Variants in COL4A2 observed in about 807,000 individuals in gnomAD.
COL4A2 encodes the protein collagen alpha-2(IV) chain.
In COL4A2, 99 loss-of-function variants were observed where a neutral mutation model predicts 200.2. The observed-to-expected ratio is 0.49, with a 90% CI of 0.42 to 0.58. COL4A2 has a LOEUF of 0.58. Ranked by LOEUF, COL4A2 falls within the 20% of genes least tolerant of loss-of-function variation. The pLI is 0.00. For missense variants in COL4A2, 1,950 were observed against 2,314.1 expected (o/e 0.84, Z 3.23); for synonymous variants, 897 against 900.6 (o/e 1.00, Z 0.07).
chr13:110,504,194 T>A lies in COL4A2; in HGVS notation c.4332T>A (p.Gly1444=), dbSNP rs1172885263. The change falls in exon 45 of 48, where the codon GGT becomes GGA. Residue 1444 remains glycine, a synonymous_variant. Transcript: ENST00000360467. ...PGKAGPQGRG[G]VSAVPGFRGD... is the part of the protein sequence containing the mutation. ...AAGCTGGGCCCCAAGGAAGAGGTGG[T>A]GTGTCTGCTGTTCCCGGCTTCCGGG... 6.2e-7 allele frequency: 1 copy of A among 1,613,850 alleles called. No homozygotes were observed. The highest frequency in any genetic ancestry group is 1.1e-5 in the South Asian group (1 of 91,072).
rs536271568 is a variant in COL4A2, at chr13:110,440,877, G to GTAACGGA, written c.957+1045_957+1051dup. ...CAAAGACGTGTAGCTTCACATGCAT[G>GTAACGGA]TAACGGAGCAACAAAAGAAATGTGT... On this transcript the variant is annotated intron_variant, in intron 16 of 47. Coordinates refer to ENST00000360467, the MANE Select transcript of COL4A2 (RefSeq NM_001846.4). 2.2e-4 allele frequency among the ~76,000 whole-genome samples: 34 copies of GTAACGGA among 152,270 alleles called. No homozygotes were observed. In the South Asian group the frequency reaches 7.1e-3, roughly 32 times the overall value.
At position 110,492,016 on chromosome 13, in the gene COL4A2, C is replaced by T. The variant is rs1883300927; in HGVS notation, c.3455-54C>T. On this transcript the variant is annotated intron_variant, in intron 37 of 47. Transcript: ENST00000360467. ...TGCCCCTCCTGCCAGGACCTCACCA[C>T]ACAGCGCCCAAGGTGTCCTGTGTGC... 5 of 1,489,124 alleles carry T rather than the reference C, an allele frequency of 3.4e-6. No individual in the cohort carries two copies. In the South Asian group the frequency reaches 6.3e-5, roughly 19 times the overall value. 92.2% of individuals were successfully genotyped at this position (1,489,124 alleles called of 1,614,324 possible). A position where few individuals can be genotyped will look rare whatever the true frequency, so the allele number is the denominator to read the frequency against.
chr13:110,343,814 T>C (rs1235449561), intron 3 of COL4A2, among the ~76,000 whole-genome samples: 1 of 152,226 alleles, frequency 6.6e-6, no homozygotes, highest in Non-Finnish European at 1.5e-5. Flanking sequence ...CAGATTTTTT[T>C]CTCCCAAATT....
chr13:110,501,515 ACCAT>A (rs1883639577), intron 40 of COL4A2, among the ~76,000 whole-genome samples, 149 bp from the exon 41 acceptor site: 1 of 149,492 alleles, frequency 6.7e-6, no homozygotes, highest in Non-Finnish European at 1.5e-5. Context: ...CCCCAGCCCC[ACCAT>A]GAGATGTTCC....
At chr13:110,360,696 A>G (rs1487577645) in intron 4 of COL4A2, among the ~76,000 whole-genome samples, 1 of 152,190 alleles carries the variant, frequency 6.6e-6, no homozygotes, top group South Asian at 2.1e-4. Context: ...GCTGTCCTCT[A>G]GTTATCCAGA....
In COL4A2 at chr13:110,504,091, C is replaced by T. The variant is rs1594114290; in HGVS notation, c.4286-57C>T. The T allele has an allele frequency of 5.7e-6, 9 of 1,592,150 alleles. No individual in the cohort carries two copies. In the East Asian group the frequency reaches 1.6e-4, roughly 28 times the overall value. ...CCTCTTGTGTTCTCTTTGTGGATCG[C>T]CGGCCGTGCCAGGCGTGGTCAGTTT... On this transcript the variant is annotated intron_variant, in intron 44 of 47. Transcript: ENST00000360467.
rs184272731 is a variant in COL4A2 at position 110,351,816 on chromosome 13, G to A, written c.100-5656G>A. Among the ~76,000 whole-genome samples the A allele has an allele frequency of 2.0e-5, 3 of 152,200 alleles. No homozygotes were observed. In the South Asian group the frequency reaches 6.2e-4, roughly 31 times the overall value. ...AGTAAATGTTCATTCATTTGCTGAG[G>A]GAAGTAATGATTCATCCCCCTAGGC... On this transcript the variant is annotated intron_variant, in intron 3 of 47. Coordinates refer to ENST00000360467, the MANE Select transcript of COL4A2 (RefSeq NM_001846.4).
chr13:110,363,847 G>A (rs935024669), intron 4 of COL4A2, among the ~76,000 whole-genome samples: 3 of 152,286 alleles, frequency 2.0e-5, no homozygotes, highest in South Asian at 2.1e-4. Flanking sequence ...GGGTGTTTCC[G>A]TGGCTAGAGG....
intron 4 of COL4A2, among the ~76,000 whole-genome samples, chr13:110,387,380 G>A (rs528163895): frequency 1.3e-5 from 2 of 152,370 alleles, no homozygotes; most frequent in South Asian, 4.1e-4. Flanking sequence ...CTTGAGAATG[G>A]CATCTCACGT....
At chr13:110,484,394 C>T (rs1883039576) in intron 32 of COL4A2, among the ~76,000 whole-genome samples, 1 of 152,122 alleles carries the variant, frequency 6.6e-6, no homozygotes, top group African/African-American at 2.4e-5. Flanking sequence ...CAGTTTCCCG[C>T]CCGGCCCGCA....
Position 110,357,559 on chromosome 13 carries a change from C to A in COL4A2, c.180+7C>A. 1 of 1,569,392 alleles carries A rather than the reference C, an allele frequency of 6.4e-7. No homozygotes were observed. Among genetic ancestry groups the A allele is most frequent in the South Asian group, 1.2e-5 (1 of 85,440 alleles). ...CCCTGAGAAAGGTGGACGTGTAAGT[C>A]ACAGCATTGCAATAAATAATATTAT... On this transcript the variant is annotated splice_region_variant and intron_variant, in intron 4 of 47. Transcript: ENST00000360467.
chr13:110,312,246 C>T (rs918870016), intron 3 of COL4A2, among the ~76,000 whole-genome samples: 10 of 152,072 alleles, frequency 6.6e-5, no homozygotes, highest in African/African-American at 2.4e-4. Flanking sequence ...TAAATAATAG[C>T]AGAGATTTGT....
chr13:110,409,132 TGCACACACGCACAC>T (rs2139438132), intron 4 of COL4A2, among the ~76,000 whole-genome samples: 1 of 141,360 alleles, frequency 7.1e-6, no homozygotes, highest in South Asian at 2.3e-4. Flanking sequence ...CACATGCACA[TGCACACACGCACAC>T]ATGTACACAC....
chr13:110,487,201 C>T (rs1409822420), intron 34 of COL4A2, among the ~76,000 whole-genome samples: 1 of 152,238 alleles, frequency 6.6e-6, no homozygotes, highest in Non-Finnish European at 1.5e-5. Flanking sequence ...CCTATAATCC[C>T]AGCACTTTGG....
intron 4 of COL4A2, among the ~76,000 whole-genome samples, chr13:110,405,199 A>G (rs186716040): frequency 6.6e-6 from 1 of 152,352 alleles, no homozygotes; most frequent in Admixed American, 6.5e-5. Flanking sequence ...GATCTGGGCT[A>G]CAGAGAAACG....
intron 27 of COL4A2, among the ~76,000 whole-genome samples, chr13:110,468,559 C>T (rs530126061): frequency 6.6e-6 from 1 of 152,314 alleles, no homozygotes; most frequent in South Asian, 2.1e-4. Flanking sequence ...TGCCCAGGCC[C>T]CCATTACTGG....
intron 4 of COL4A2, among the ~76,000 whole-genome samples, chr13:110,359,667 G>C (rs766444528): frequency 1.3e-5 from 2 of 152,182 alleles, no homozygotes; most frequent in Non-Finnish European, 2.9e-5. Flanking sequence ...GCTGGAGCTT[G>C]GCCTCCAGGG....
At chr13:110,323,288 C>T (rs1433012298) in intron 3 of COL4A2, among the ~76,000 whole-genome samples, 1 of 152,160 alleles carries the variant, frequency 6.6e-6, no homozygotes, top group Non-Finnish European at 1.5e-5. Context: ...TTCTGTTGCA[C>T]CCTCTGTGGT....
At chr13:110,410,624 A>C (rs562890974) in intron 4 of COL4A2, among the ~76,000 whole-genome samples, 1 of 152,146 alleles carries the variant, frequency 6.6e-6, no homozygotes, top group African/African-American at 2.4e-5. Context: ...AGCCACTTTC[A>C]TACCCTTTTG....
Sources: gnomAD v4.1 joint callset for allele counts (sites outside exome capture counted in the v4.1 genomes callset) on GRCh38, gnomAD v4.1.1 for gene constraint, MANE v1.5 for transcripts, NCBI Gene and HGNC (gene_info 2026-07-23, HGNC 2026-07-21) for gene names.